The following ADAMTS16 variants were observed in gnomAD, a reference collection of about 807,000 sequenced individuals.
The protein encoded by ADAMTS16 is A disintegrin and metalloproteinase with thrombospondin motifs 16.
A neutral mutation model predicts 145.8 loss-of-function variants in ADAMTS16; 94 were observed. The ratio of observed to expected loss-of-function variants is 0.64; its 90% CI spans 0.55 to 0.77. The LOEUF is 0.77. ADAMTS16 is among the 30% of genes least tolerant of loss of function. The pLI, the probability that ADAMTS16 is intolerant of heterozygous loss-of-function variation, is 0.00. For missense variants in ADAMTS16, 1,585 were observed against 1,591.5 expected, an observed-to-expected ratio of 1.00 and a Z score of 0.07; for synonymous variants, 659 against 604.3, an observed-to-expected ratio of 1.09 and a Z score of -1.33.
chr5:5,302,999 G>A (rs781702284), intron 18 of ADAMTS16, among the ~76,000 whole-genome samples: 4 of 152,088 alleles, frequency 2.6e-5, no homozygotes, highest in African/African-American at 4.8e-5. Context: ...ACACTGTGCC[G>A]AATAGGGTTC....
chr5:5,166,586 A>G (rs767605710), intron 3 of ADAMTS16, among the ~76,000 whole-genome samples: 38 of 152,152 alleles, frequency 2.5e-4, no homozygotes, highest in African/African-American at 6.8e-4. Context: ...GTAGAGGGTG[A>G]TCTGGTTTAT....
At chr5:5,259,190 G>T (rs1279668115) in intron 17 of ADAMTS16, among the ~76,000 whole-genome samples, 1 of 152,220 alleles carries the variant, frequency 6.6e-6, no homozygotes, top group Non-Finnish European at 1.5e-5. Context: ...GGGTTATCGT[G>T]CACAGCTACT....
chr5:5,297,700 T>A (rs72647761), intron 18 of ADAMTS16, among the ~76,000 whole-genome samples: 12,308 of 152,202 alleles, frequency 0.081, 560 homozygotes, highest in Middle Eastern at 0.14. Flanking sequence ...CGGAGTAGTA[T>A]CTCCTCCACA....
At chr5:5,182,327 T>G in intron 4 of ADAMTS16, 22 bp downstream of exon 4, 9 of 1,599,354 alleles carry the variant, frequency 5.6e-6, no homozygotes, top group Non-Finnish European at 7.7e-6. Context: ...CGAATCTTTG[T>G]GTGTATTTAG....
At chr5:5,274,301 C>T (rs1157496963) in intron 18 of ADAMTS16, among the ~76,000 whole-genome samples, 4 of 152,142 alleles carry the variant, frequency 2.6e-5, no homozygotes, top group East Asian at 1.9e-4. Context: ...ATCAATCCAC[C>T]ATGATAGTAT....
rs754703516 is a variant in ADAMTS16, at chr5:5,317,395, C to CTTAT, written c.3412-728_3412-725dup. On this transcript the variant is annotated intron_variant, in intron 21 of 22. Coordinates refer to ENST00000274181, the MANE Select transcript of ADAMTS16 (RefSeq NM_139056.4). This position sits in a 1 kb window ranked among gnomAD's most constrained non-coding sequence, Gnocchi z 4.5. ...ATCAGTATACTTACTTACTTACTTA[C>CTTAT]TTATTTATTTATTTTTGAGATGGAG... is the stretch of plus-strand genomic sequence containing the variant. 6.9e-5 allele frequency among the ~76,000 whole-genome samples: 10 copies of CTTAT among 145,128 alleles called. No individual in the cohort carries two copies. Among genetic ancestry groups the CTTAT allele is most frequent in the Admixed American group, 4.1e-4 (6 of 14,736 alleles).
chr5:5,218,613 T>G (rs1181314841), intron 10 of ADAMTS16, among the ~76,000 whole-genome samples: 1 of 152,260 alleles, frequency 6.6e-6, no homozygotes, highest in African/African-American at 2.4e-5. Context: ...GACAGCTTTC[T>G]GTATCCTAAG....
In ADAMTS16 at chr5:5,269,901, G is replaced by C. The variant is rs1738399080; in HGVS notation, c.2789+7118G>C. On this transcript the variant is annotated intron_variant, in intron 18 of 22. Transcript: ENST00000274181. The surrounding 1 kb of genome is among the most constrained non-coding windows in gnomAD (Gnocchi z 4.3). ...GAAGAAAAGGTGCAGTTCAGCAGCA[G>C]AGGGCCAGTCTAGGGGAAGCTGGAG... Among the ~76,000 whole-genome samples the C allele has an allele frequency of 1.3e-5, 2 of 152,218 alleles. No homozygotes were observed. The highest frequency in any genetic ancestry group is 4.8e-5 in the African/African-American group (2 of 41,458).
intron 17 of ADAMTS16, among the ~76,000 whole-genome samples, chr5:5,250,736 T>TGTGTGTGTGCGCGC (rs764397980): frequency 5.6e-5 from 8 of 141,812 alleles, no homozygotes; most frequent in African/African-American, 2.1e-4. Context: ...TGTGTGTGTG[T>TGTGTGTGTGCGCGC]GCGCGCACTC....
intron 18 of ADAMTS16, among the ~76,000 whole-genome samples, chr5:5,267,842 T>C (rs1289717982): frequency 6.6e-6 from 1 of 152,140 alleles, no homozygotes; most frequent in East Asian, 1.9e-4. Context: ...CGCCCCCTTC[T>C]CCTCCCAGCA....
At chr5:5,225,125 G>A (rs1462809946) in intron 11 of ADAMTS16, among the ~76,000 whole-genome samples, 1 of 152,144 alleles carries the variant, frequency 6.6e-6, no homozygotes, top group Admixed American at 6.5e-5. Flanking sequence ...GGGTCACCTG[G>A]CTGTTCAGTG....
At chr5:5,190,427 G>A (rs1403343998) in intron 7 of ADAMTS16, among the ~76,000 whole-genome samples, 3 of 152,060 alleles carry the variant, frequency 2.0e-5, no homozygotes, top group Non-Finnish European at 4.4e-5. Flanking sequence ...CCAATGGGGT[G>A]GATAGATCGA....
intron 10 of ADAMTS16, among the ~76,000 whole-genome samples, chr5:5,215,891 TA>T (rs1560952848): frequency 2.9e-4 from 27 of 94,124 alleles, no homozygotes; most frequent in African/African-American, 8.0e-4. Flanking sequence ...TATATATATA[TA>T]TATATATATA....
At chr5:5,290,974 T>C (rs1739290032) in intron 18 of ADAMTS16, among the ~76,000 whole-genome samples, 1 of 152,160 alleles carries the variant, frequency 6.6e-6, no homozygotes, top group South Asian at 2.1e-4. Flanking sequence ...AATAAATCCA[T>C]CCAGTACAGT....
At chr5:5,160,088 T>G (rs1371775099) in intron 3 of ADAMTS16, among the ~76,000 whole-genome samples, 3 of 152,204 alleles carry the variant, frequency 2.0e-5, no homozygotes, top group Admixed American at 2.0e-4. Context: ...CATGTCTAGC[T>G]GAAATGTACA....
At chr5:5,179,828 A>T (rs1280521088) in intron 3 of ADAMTS16, among the ~76,000 whole-genome samples, 1 of 152,084 alleles carries the variant, frequency 6.6e-6, no homozygotes, top group Non-Finnish European at 1.5e-5. Flanking sequence ...GGCTTCATTG[A>T]TAGTCTACCA....
chr5:5,163,268 C>G (rs959412115), intron 3 of ADAMTS16, among the ~76,000 whole-genome samples: 3 of 152,150 alleles, frequency 2.0e-5, no homozygotes, highest in African/African-American at 7.2e-5. Context: ...TTTTGTTTTG[C>G]TAAATTATTT....
At chr5:5,243,925 G>A (rs2126395487) in intron 17 of ADAMTS16, among the ~76,000 whole-genome samples, 1 of 152,244 alleles carries the variant, frequency 6.6e-6, no homozygotes. Context: ...GAGTTTCTGG[G>A]GGAAATCAAC....
rs1738368756 is a variant in ADAMTS16, at chr5:5,269,102, G to T, written c.2789+6319G>T. Among the ~76,000 whole-genome samples, 1 of 151,672 alleles carries T rather than the reference G, an allele frequency of 6.6e-6. No homozygotes were observed. Among genetic ancestry groups the T allele is most frequent in the Non-Finnish European group, 1.5e-5 (1 of 67,924 alleles). On this transcript the variant is annotated intron_variant, in intron 18 of 22. Coordinates refer to ENST00000274181, the MANE Select transcript of ADAMTS16 (RefSeq NM_139056.4). The surrounding 1 kb of genome is among the most constrained non-coding windows in gnomAD (Gnocchi z 4.3). The stretch of plus-strand genomic sequence containing the variant: ...CCAGACAGGCCATGCCTCTTGTCAT[G>T]CAGCTCCTATGCTTCAAGATCCACA...
Sources: allele counts gnomAD v4.1 joint callset (sites outside exome capture counted in the v4.1 genomes callset), GRCh38; gene constraint gnomAD v4.1.1; non-coding constraint Gnocchi (gnomAD v3.1); transcripts MANE v1.5; gene names NCBI Gene and HGNC (gene_info 2026-07-23, HGNC 2026-07-21).